Variants in ATAD3B observed in about 807,000 individuals in gnomAD.
ATAD3B encodes the protein ATPase family AAA domain-containing protein 3B.
Under a neutral mutation model 70.2 loss-of-function variants are expected in ATAD3B, and 59 were observed. The observed-to-expected ratio is 0.84, with a 90% CI of 0.68 to 1.04. ATAD3B has a LOEUF of 1.04. ATAD3B is among the 50% of genes least tolerant of loss of function. The pLI, the probability that ATAD3B is intolerant of heterozygous loss-of-function variation, is 0.00. For missense variants in ATAD3B, 961 were observed against 913.4 expected, an observed-to-expected ratio of 1.05 and a Z score of -0.67; for synonymous variants, 423 against 388.6, an observed-to-expected ratio of 1.09 and a Z score of -1.04.
the ATAD3B span, chr1:1,503,613 A>G: frequency 2.5e-5 from 40 of 1,612,268 alleles, no homozygotes; most frequent in Middle Eastern, 1.9e-4. Context: ...TGAATGTGGC[A>G]CAGATGCAGG....
At position 1,485,182 on chromosome 1, in the gene ATAD3B, A is replaced by G. The variant is rs1414176047; in HGVS notation, c.906+11A>G. On this transcript the variant is annotated intron_variant, in intron 8 of 15. Coordinates refer to ENST00000673477, the MANE Select transcript of ATAD3B (RefSeq NM_031921.6). The stretch of plus-strand genomic sequence containing the variant: ...CGGCACCCCATCCAGGTAGCGGCGC[A>G]GGCCTGGCCCTCCCTGAGTGCAGTT... The G allele has an allele frequency of 1.9e-6, 3 of 1,609,434 alleles. No homozygotes were observed. The highest frequency in any genetic ancestry group is 2.7e-5 in the African/African-American group (2 of 74,802).
At chr1:1,506,277 G>T in the ATAD3B span, among the ~76,000 whole-genome samples, 1 of 151,692 alleles carries the variant, frequency 6.6e-6, no homozygotes, top group Non-Finnish European at 1.5e-5. Context: ...GGCAATTCAA[G>T]ATCCCTAGAG....
rs143564877 is a variant in ATAD3B, at chr1:1,483,455, G to A, written c.750+841G>A. ...GCACTCCAACCTGTGGAAGAAGAGCGAAACTCTGTCTCAAAAAAACAAACA... is the reference window on the plus strand; with the variant it reads ...GCACTCCAACCTGTGGAAGAAGAGCAAAACTCTGTCTCAAAAAAACAAACA... On this transcript the variant is annotated intron_variant, in intron 7 of 15. Transcript: ENST00000673477. 6.6e-4 allele frequency: 133 copies of A among 202,008 alleles called. 2 individuals are homozygous for A. The highest frequency in any genetic ancestry group is 3.0e-3 in the African/African-American group (126 of 41,756). The allele number at this position is 202,008 out of a possible 1,614,324, so 12.5% of individuals were successfully genotyped here. A position where few individuals can be genotyped will look rare whatever the true frequency, so the allele number is the denominator to read the frequency against.
In ATAD3B at chr1:1,495,544, G is replaced by A. The variant is rs1366484371; in HGVS notation, c.1674G>A (p.Val558=). 11 of 1,612,922 alleles carry A rather than the reference G, an allele frequency of 6.8e-6. No individual in the cohort carries two copies. Among genetic ancestry groups the A allele is most frequent in the African/African-American group, 1.3e-5 (1 of 74,920 alleles). ...CTGAGGCCATGATGGACGCCTGTGTGCAAGATGCTGTCCAGCAGTACCGAC... is the reference window on the plus strand; with the variant it reads ...CTGAGGCCATGATGGACGCCTGTGTACAAGATGCTGTCCAGCAGTACCGAC... ...VLTEAMMDAC[V]QDAVQQYRQK... is the part of the protein sequence containing the mutation. Residue 558 remains valine (V), a synonymous_variant, in exon 16 of 16, where the codon GTG becomes GTA. Coordinates refer to ENST00000673477, the MANE Select transcript of ATAD3B (RefSeq NM_031921.6).
In ATAD3B at chr1:1,495,470, C is replaced by G. The variant is rs1021196289; in HGVS notation, c.1615-15C>G. On this transcript the variant is annotated splice_polypyrimidine_tract_variant and intron_variant, in intron 15 of 15. Transcript: ENST00000673477. ...TCCCATAGCGGCCTCCCTCAGCTCC[C>G]TCTCTCTTCACTAGGCCACGGCATA... 2.5e-6 allele frequency: 4 copies of G among 1,585,878 alleles called. No homozygotes were observed. The African/African-American group carries it at 5.4e-5, about 21-fold the overall frequency.
At chr1:1,509,240 C>A in the ATAD3B span, 2 of 1,612,674 alleles carry the variant, frequency 1.2e-6, no homozygotes, top group South Asian at 2.2e-5. Flanking sequence ...GGGTCCTGAC[C>A]GAGGCCATGA....
intron 15 of ATAD3B, 69 bp downstream of exon 15, chr1:1,490,740 G>A: frequency 6.5e-7 from 1 of 1,531,100 alleles, no homozygotes; most frequent in Non-Finnish European, 8.8e-7. Flanking sequence ...AGTTGCGCCA[G>A]GCCTGTCCCA....
At chr1:1,481,753 G>T (rs1331406557) in intron 5 of ATAD3B, among the ~76,000 whole-genome samples, 1 of 151,232 alleles carries the variant, frequency 6.6e-6, no homozygotes, top group African/African-American at 2.4e-5. Context: ...AAGTTGCCTA[G>T]GCCTCTGGGT....
At position 1,478,102 on chromosome 1, in the gene ATAD3B, A is replaced by G. The variant is rs1288189530; in HGVS notation, c.283-542A>G. The G allele has an allele frequency of 2.6e-5, 5 of 195,980 alleles. No homozygotes were observed. In the East Asian group the frequency reaches 5.3e-4, roughly 21 times the overall value. The allele number at this position is 195,980 out of a possible 1,614,324, so 12.1% of individuals were successfully genotyped here. A position where few individuals can be genotyped will look rare whatever the true frequency, so the allele number is the denominator to read the frequency against. ...CTGCAACCTCCACCTCCCGGGTTCA[A>G]CCTCCTGCCTCAGCCTTCCGAGCAG... is the stretch of plus-strand genomic sequence containing the variant. On this transcript the variant is annotated intron_variant, in intron 2 of 15. Coordinates refer to ENST00000673477, the MANE Select transcript of ATAD3B (RefSeq NM_031921.6).
At chr1:1,489,115 C>G in intron 12 of ATAD3B, 89 bp from the exon 13 acceptor site, 3 of 1,600,706 alleles carry the variant, frequency 1.9e-6, no homozygotes, top group Non-Finnish European at 2.6e-6. Flanking sequence ...TCCCTGCTCC[C>G]TGCAGGAGGG....
At position 1,495,845 on chromosome 1, in the gene ATAD3B, T is replaced by C. The variant is rs1253396583; in HGVS notation, c.*28T>C. 6.6e-7 allele frequency: 1 copy of C among 1,520,126 alleles called. No homozygotes were observed. Among genetic ancestry groups the C allele is most frequent in the African/African-American group, 1.4e-5 (1 of 72,082 alleles). The allele number at this position is 1,520,126 out of a possible 1,614,324, so 94.2% of individuals were successfully genotyped here. ...ACTGGCTAGGGAGGGGCAGGCCTCCTTCCTGCCCCTCGAGACACTCTTGGG... is the reference window on the plus strand; with the variant it reads ...ACTGGCTAGGGAGGGGCAGGCCTCCCTCCTGCCCCTCGAGACACTCTTGGG... On this transcript the variant is annotated 3_prime_UTR_variant, in exon 16 of 16. Transcript: ENST00000673477.
Position 1,495,521 on chromosome 1 carries a change from G to A in ATAD3B, c.1651G>A (p.Glu551Lys). The A allele has an allele frequency of 6.2e-7, 1 of 1,611,478 alleles. No individual in the cohort carries two copies. Among genetic ancestry groups the A allele is most frequent in the Non-Finnish European group, 8.5e-7 (1 of 1,178,176 alleles). The change falls in exon 16 of 16, where the codon GAG (glutamate) becomes AAG (lysine). Residue 551 changes from glutamate to lysine, a missense_variant. Physicochemically the swap from Glu to Lys is moderately conservative, Grantham distance 56. Coordinates refer to ENST00000673477, the MANE Select transcript of ATAD3B (RefSeq NM_031921.6). Reference protein sequence around the residue: ...AYASKDGVLTEAMMDACVQDA... With the variant: ...AYASKDGVLTKAMMDACVQDA... The stretch of plus-strand genomic sequence containing the variant: ...TGCCTCCAAGGACGGGGTCCTCACT[G>A]AGGCCATGATGGACGCCTGTGTGCA...
chr1:1,474,230 G>C (rs1458579491), intron 1 of ATAD3B, among the ~76,000 whole-genome samples: 3 of 149,742 alleles, frequency 2.0e-5, no homozygotes, highest in Admixed American at 1.3e-4. Context: ...TCTCGCTGTC[G>C]CCCAGGCTGG....
Position 1,496,366 on chromosome 1 carries a change from G to A in ATAD3B, c.*549G>A, listed in dbSNP as rs948865092. ...ATCAGCCTCGCGCCACATCCGAGTT[G>A]GGGTCTGAATGCTGCCCGGGACTGC... On this transcript the variant is annotated 3_prime_UTR_variant, in exon 16 of 16. Coordinates refer to ENST00000673477, the MANE Select transcript of ATAD3B (RefSeq NM_031921.6). 3 of 615,088 alleles carry A rather than the reference G, an allele frequency of 4.9e-6. No homozygotes were observed. The highest frequency in any genetic ancestry group is 6.1e-6 in the Non-Finnish European group (3 of 491,086). The allele number at this position is 615,088 out of a possible 1,614,324, so 38.1% of individuals were successfully genotyped here.
intron 15 of ATAD3B, among the ~76,000 whole-genome samples, chr1:1,491,689 ATGAG>A: frequency 6.6e-6 from 1 of 152,046 alleles, no homozygotes; most frequent in Non-Finnish European, 1.5e-5. Flanking sequence ...ATTTGAATGA[ATGAG>A]TGACAGCTTA....
At chr1:1,506,633 T>C in the ATAD3B span, among the ~76,000 whole-genome samples, 1 of 152,194 alleles carries the variant, frequency 6.6e-6, no homozygotes, top group African/African-American at 2.4e-5. Context: ...TCAGATGCTA[T>C]TGTAAATGGA....
Position 1,486,411 on chromosome 1 carries a change from C to T in ATAD3B, c.1090-133C>T, listed in dbSNP as rs531447215. 118 of 1,592,532 alleles carry T rather than the reference C, an allele frequency of 7.4e-5. No homozygotes were observed. The South Asian group carries it at 8.9e-4, about 12-fold the overall frequency. On this transcript the variant is annotated intron_variant, in intron 10 of 15. Transcript: ENST00000673477. Reference sequence around the variant, plus strand: ...CGCCTCCCATCTTCCAGGCGGGGGACGTCTCCTGTCTGGCAGGCTGTGGCT... The same window carrying T: ...CGCCTCCCATCTTCCAGGCGGGGGATGTCTCCTGTCTGGCAGGCTGTGGCT...
In ATAD3B at chr1:1,477,297, C is replaced by T; in HGVS notation, c.229C>T (p.Leu77=). 1.2e-6 allele frequency: 2 copies of T among 1,612,468 alleles called. No homozygotes were observed. Among genetic ancestry groups the T allele is most frequent in the Non-Finnish European group, 1.7e-6 (2 of 1,179,702 alleles). ...HSRYAKEALN[L]AQMQEQTLQL... ...AGGTTACGCCAAGGAGGCCCTGAAT[C>T]TGGCGCAGATGCAGGAGCAGACGCT... The change falls in exon 2 of 16, where the codon CTG becomes TTG. Residue 77 remains leucine (L), a synonymous_variant. Coordinates refer to ENST00000673477, the MANE Select transcript of ATAD3B (RefSeq NM_031921.6).
chr1:1,495,057 A>C (rs1640711262), intron 15 of ATAD3B, among the ~76,000 whole-genome samples: 1 of 152,004 alleles, frequency 6.6e-6, no homozygotes, highest in Non-Finnish European at 1.5e-5. Context: ...TGATGTCCCA[A>C]GGTGGGCAGT....
Sources: allele counts gnomAD v4.1 joint callset (sites outside exome capture counted in the v4.1 genomes callset), GRCh38; gene constraint gnomAD v4.1.1; transcripts MANE v1.5; gene names NCBI Gene and HGNC (gene_info 2026-07-23, HGNC 2026-07-21).